MAST2: variants seen among roughly 807,000 people sequenced by gnomAD.
MAST2 encodes microtubule-associated serine/threonine-protein kinase 2.
A neutral mutation model predicts 147.4 loss-of-function variants in MAST2; 70 were observed. That is an observed-to-expected ratio of 0.47 (90% CI 0.39 to 0.58). MAST2 has a LOEUF of 0.58. Ranked by LOEUF, MAST2 falls within the 20% of genes least tolerant of loss-of-function variation. The pLI, the probability that MAST2 is intolerant of heterozygous loss-of-function variation, is 0.00. For missense variants in MAST2, 2,080 were observed against 2,302.3 expected, an observed-to-expected ratio of 0.90 and a Z score of 1.98; for synonymous variants, 869 against 896.8, an observed-to-expected ratio of 0.97 and a Z score of 0.55.
chr1:45,822,380 C>G (rs554798978), intron 1 of MAST2, among the ~76,000 whole-genome samples: 1 of 137,744 alleles, frequency 7.3e-6, no homozygotes, highest in Non-Finnish European at 1.6e-5. Context: ...GGTTTTGACT[C>G]GAAGAGACTT....
chr1:45,945,983 G>T (rs1018272951), intron 4 of MAST2, among the ~76,000 whole-genome samples: 2 of 152,194 alleles, frequency 1.3e-5, no homozygotes, highest in Non-Finnish European at 2.9e-5. Context: ...AGTCTCACTG[G>T]CTGCTTTCCT....
intron 5 of MAST2, among the ~76,000 whole-genome samples, chr1:45,987,885 C>T (rs899049310): frequency 1.0e-4 from 15 of 148,880 alleles, no homozygotes; most frequent in Non-Finnish European, 1.8e-4. Flanking sequence ...GGTCCTCCCA[C>T]CTTGGTCTCT....
At chr1:45,974,972 T>G (rs1014771992) in intron 5 of MAST2, among the ~76,000 whole-genome samples, 11 of 152,192 alleles carry the variant, frequency 7.2e-5, no homozygotes, top group Non-Finnish European at 1.6e-4. Context: ...GAGTAATGGT[T>G]GTTGTAGTCT....
At chr1:45,881,762 C>T (rs1397894043) in intron 3 of MAST2, among the ~76,000 whole-genome samples, 1 of 152,018 alleles carries the variant, frequency 6.6e-6, no homozygotes, top group Non-Finnish European at 1.5e-5. Context: ...TGCCTGTAAT[C>T]TACACTGGGG....
At chr1:46,007,735 G>C (rs1645545243) in intron 8 of MAST2, among the ~76,000 whole-genome samples, 1 of 152,176 alleles carries the variant, frequency 6.6e-6, no homozygotes, top group African/African-American at 2.4e-5. Flanking sequence ...GGTTATCAGG[G>C]AAGACAATAA....
At chr1:45,922,916 G>A (rs776314098) in intron 4 of MAST2, among the ~76,000 whole-genome samples, 5 of 152,218 alleles carry the variant, frequency 3.3e-5, no homozygotes, top group Non-Finnish European at 7.3e-5. Context: ...GGTGCTCCTG[G>A]TGGTGACCGT....
rs756448063 is a variant in MAST2 at position 46,035,180 on chromosome 1, C to A, written c.4511C>A (p.Ser1504Ter). The A allele has an allele frequency of 6.2e-7, 1 of 1,614,010 alleles. No homozygotes were observed. Among genetic ancestry groups the A allele is most frequent in the South Asian group, 1.1e-5 (1 of 91,084 alleles). Residue 1504 changes from serine (S) to a stop codon, truncating the protein, a stop_gained, in exon 29 of 29, where the codon TCA becomes TAA. Coordinates refer to ENST00000361297, the MANE Select transcript of MAST2 (RefSeq NM_015112.3). LOFTEE classifies it low-confidence loss of function (END_TRUNC). This position sits in a 1 kb window ranked among gnomAD's most constrained non-coding sequence, Gnocchi z 5.5. ...GAAGCCATTCGTGAGGTGGACTCCT[C>A]AGAGGACGACACCGAGGAAGGGCCT... ...KQEAIREVDS[S>*]EDDTEEGPEN...
chr1:46,001,161 A>G (rs1420253559), intron 6 of MAST2, among the ~76,000 whole-genome samples: 1 of 152,206 alleles, frequency 6.6e-6, no homozygotes, highest in Non-Finnish European at 1.5e-5. Flanking sequence ...TACCTGCTGG[A>G]ACCAAGGCTC....
intron 5 of MAST2, among the ~76,000 whole-genome samples, chr1:45,977,787 A>T (rs1644230783): frequency 7.8e-6 from 1 of 127,618 alleles, no homozygotes; most frequent in South Asian, 2.9e-4. Flanking sequence ...GTGACAGAGC[A>T]AGACTCTTGT....
At chr1:45,880,809 T>C (rs1266813426) in intron 3 of MAST2, among the ~76,000 whole-genome samples, 2 of 151,708 alleles carry the variant, frequency 1.3e-5, no homozygotes, top group South Asian at 4.2e-4. Flanking sequence ...GGTGAACCCC[T>C]GTCTCTACTA....
chr1:45,905,174 CTTTTTTT>C, intron 4 of MAST2, among the ~76,000 whole-genome samples: 1 of 128,122 alleles, frequency 7.8e-6, no homozygotes, highest in African/African-American at 2.9e-5. Context: ...TATGTTTAAT[CTTTTTTT>C]TTTTTTTTTT....
chr1:45,996,686 G>A (rs1285179705), intron 5 of MAST2, among the ~76,000 whole-genome samples: 1 of 152,172 alleles, frequency 6.6e-6, no homozygotes, highest in Non-Finnish European at 1.5e-5. Context: ...GCATAGGGTA[G>A]TAGGAGCACT....
At chr1:46,006,599 AG>A in intron 8 of MAST2, 1 of 404,396 alleles carries the variant, frequency 2.5e-6, no homozygotes, top group Non-Finnish European at 4.2e-6. Flanking sequence ...TATTTACAAA[AG>A]AAAAAAAAAA....
chr1:45,993,780 C>A (rs181039583), intron 5 of MAST2, among the ~76,000 whole-genome samples: 61 of 152,126 alleles, frequency 4.0e-4, no homozygotes, highest in Admixed American at 1.0e-3. Context: ...ACAAAACTGC[C>A]CTCACTTTAT....
intron 18 of MAST2, 53 bp from the exon 19 acceptor site, chr1:46,029,413 C>T: frequency 2.1e-6 from 3 of 1,459,384 alleles, no homozygotes; most frequent in Non-Finnish European, 1.9e-6. Flanking sequence ...TCTTCTGCAT[C>T]TCTCCACTCT....
At chr1:45,996,569 G>C (rs1645066283) in intron 5 of MAST2, among the ~76,000 whole-genome samples, 1 of 152,030 alleles carries the variant, frequency 6.6e-6, no homozygotes. Context: ...AGATCCACTG[G>C]ATGAAGTTGT....
At chr1:45,857,028 C>G (rs1645812064) in intron 3 of MAST2, among the ~76,000 whole-genome samples, 1 of 152,094 alleles carries the variant, frequency 6.6e-6, no homozygotes, top group Admixed American at 6.6e-5. Context: ...AATATTCTCC[C>G]AAACCCCTAA....
intron 3 of MAST2, among the ~76,000 whole-genome samples, chr1:45,843,226 G>T (rs1372032915): frequency 6.6e-6 from 1 of 151,896 alleles, no homozygotes; most frequent in East Asian, 1.9e-4. Flanking sequence ...TCTGTGTGTT[G>T]TCTTTTTAGT....
In MAST2 at chr1:45,955,249, T is replaced by G. The variant is rs1659488417; in HGVS notation, c.501-4137T>G. ...CCACACGGATACCAAAATCTGCAGATGCCCAAGTCTCTTATATAAAAGAGC... is the reference window on the plus strand; with the variant it reads ...CCACACGGATACCAAAATCTGCAGAGGCCCAAGTCTCTTATATAAAAGAGC... On this transcript the variant is annotated intron_variant, in intron 4 of 28. Coordinates refer to ENST00000361297, the MANE Select transcript of MAST2 (RefSeq NM_015112.3). Among the ~76,000 whole-genome samples the G allele has an allele frequency of 3.3e-5, 5 of 152,158 alleles. No homozygotes were observed. The South Asian group carries it at 1.0e-3, about 32-fold the overall frequency.
Sources: allele counts gnomAD v4.1 joint callset (sites outside exome capture counted in the v4.1 genomes callset), GRCh38; gene constraint gnomAD v4.1.1; non-coding constraint Gnocchi (gnomAD v3.1); transcripts MANE v1.5; gene names NCBI Gene and HGNC (gene_info 2026-07-23, HGNC 2026-07-21).